The following PPP2R5E variants were observed in gnomAD, a reference collection of about 807,000 sequenced individuals.
PPP2R5E encodes protein phosphatase 2 regulatory subunit B'epsilon.
A neutral mutation model predicts 65.3 loss-of-function variants in PPP2R5E; 4 were observed. The observed-to-expected ratio is 0.06, with a 90% CI of 0.03 to 0.14. The LOEUF (loss-of-function observed/expected upper bound fraction) is 0.14. Ranked by LOEUF, PPP2R5E falls within the 10% of genes least tolerant of loss-of-function variation. PPP2R5E has a pLI of 1.00. For synonymous variants in PPP2R5E, 183 were observed against 187.4 expected (o/e 0.98, Z 0.19); for missense variants, 274 against 556.1 (o/e 0.49, Z 5.10).
rs747091560 is a variant in PPP2R5E, at chr14:63,422,020, G to T, written c.429C>A (p.Thr143=). ...GTAAGTGTGGCCACGATGCCTCAAGGGTAGGTTCATCTTCTTCTGGATCAA... is the reference window on the plus strand; with the variant it reads ...GTAAGTGTGGCCACGATGCCTCAAGTGTAGGTTCATCTTCTTCTGGATCAA... ...NEFDPEEDEP[T]LEASWPHLQL... is the part of the protein sequence containing the mutation. The change falls in exon 4 of 14, where the codon ACC becomes ACA. Residue 143 remains threonine (T), a synonymous_variant. Transcript: ENST00000337537. The T allele has an allele frequency of 6.2e-7, 1 of 1,613,166 alleles. No homozygotes were observed. The highest frequency in any genetic ancestry group is 1.7e-4 in the Middle Eastern group (1 of 6,058).
At chr14:63,490,132 T>C (rs965000860) in intron 2 of PPP2R5E, among the ~76,000 whole-genome samples, 21 of 152,082 alleles carry the variant, frequency 1.4e-4, no homozygotes, top group Non-Finnish European at 2.9e-5. Flanking sequence ...TGCTAACCAA[T>C]ATAGCAGCCA....
chr14:63,523,734 G>A, intron 2 of PPP2R5E, among the ~76,000 whole-genome samples: 1 of 143,200 alleles, frequency 7.0e-6, no homozygotes, highest in Non-Finnish European at 1.5e-5. Flanking sequence ...AAAAACAAAG[G>A]TTACACGCTA....
At chr14:63,442,028 T>C (rs934410676) in intron 3 of PPP2R5E, among the ~76,000 whole-genome samples, 2 of 152,124 alleles carry the variant, frequency 1.3e-5, no homozygotes, top group Admixed American at 1.3e-4. Flanking sequence ...TACTGTTAAA[T>C]GAGCTTTAAC....
intron 2 of PPP2R5E, among the ~76,000 whole-genome samples, chr14:63,504,060 T>C (rs1483599502): frequency 3.3e-5 from 5 of 152,184 alleles, no homozygotes; most frequent in Admixed American, 6.5e-5. Flanking sequence ...ATGAGAAGTT[T>C]TGAATCACTC....
intron 2 of PPP2R5E, among the ~76,000 whole-genome samples, chr14:63,503,816 G>A (rs1427757071): frequency 6.6e-6 from 1 of 152,142 alleles, no homozygotes; most frequent in African/African-American, 2.4e-5. Flanking sequence ...ATGGCAAGAT[G>A]TGAGGAAAAC....
intron 3 of PPP2R5E, among the ~76,000 whole-genome samples, chr14:63,431,558 T>C (rs1484634773): frequency 1.3e-5 from 2 of 149,628 alleles, no homozygotes; most frequent in Non-Finnish European, 3.0e-5. Context: ...ATAAGAACTA[T>C]CTGAAATACT....
At position 63,396,503 on chromosome 14, in the gene PPP2R5E, G is replaced by A. The variant is rs1019317317; in HGVS notation, c.680+83C>T. The A allele has an allele frequency of 2.3e-5, 35 of 1,515,212 alleles. No individual in the cohort carries two copies. In the African/African-American group the frequency reaches 2.6e-4, roughly 11 times the overall value. 93.9% of individuals were successfully genotyped at this position (1,515,212 alleles called of 1,614,324 possible). ...AGGGAGAAAGAGAAGTCAGTACACC[G>A]TTTTCAGATATTTGAGATTTACTTA... On this transcript the variant is annotated intron_variant, in intron 6 of 13. Transcript: ENST00000337537.
intron 2 of PPP2R5E, among the ~76,000 whole-genome samples, chr14:63,505,475 C>A (rs1440078576): frequency 6.6e-6 from 1 of 152,206 alleles, no homozygotes; most frequent in Non-Finnish European, 1.5e-5. Context: ...CCTGCTCACA[C>A]ACTGAACACT....
At chr14:63,516,963 A>T (rs1197762630) in intron 2 of PPP2R5E, among the ~76,000 whole-genome samples, 1 of 151,480 alleles carries the variant, frequency 6.6e-6, no homozygotes, top group African/African-American at 2.5e-5. Context: ...CTATGGATGA[A>T]CTAAATAGAT....
intron 2 of PPP2R5E, among the ~76,000 whole-genome samples, chr14:63,533,645 C>A (rs995036362): frequency 6.7e-6 from 1 of 149,704 alleles, no homozygotes; most frequent in Admixed American, 6.7e-5. Context: ...AATTGTGAGA[C>A]AAGAAATAAC....
At chr14:63,483,245 G>A (rs67442217) in intron 2 of PPP2R5E, among the ~76,000 whole-genome samples, 50,068 of 151,864 alleles carry the variant, frequency 0.33, 11,061 homozygotes, top group African/African-American at 0.63. Context: ...AACATGGGGA[G>A]GGGGGGTCAC....
intron 10 of PPP2R5E, 102 bp from the exon 11 acceptor site, chr14:63,389,833 TA>T (rs1266473731): frequency 7.8e-7 from 1 of 1,289,632 alleles, no homozygotes; most frequent in Non-Finnish European, 1.0e-6. Flanking sequence ...AAGAAAAATT[TA>T]CACATAAAAC....
Position 63,539,597 on chromosome 14 carries a change from G to A in PPP2R5E, c.89C>T (p.Ser30Leu), listed in dbSNP as rs1893805715. Residue 30 changes from serine to leucine, a missense_variant, in exon 2 of 14, where the codon TCG becomes TTG. Coordinates refer to ENST00000337537, the MANE Select transcript of PPP2R5E (RefSeq NM_006246.5). ...AGACCTAAACTGTGAGGAACTTTGCGACCTCTTCTGTCTGGCTTTTCTGAC... is the reference window on the plus strand; with the variant it reads ...AGACCTAAACTGTGAGGAACTTTGCAACCTCTTCTGTCTGGCTTTTCTGAC... The part of the protein sequence containing the change: ...KSVRKARQKR[S>L]QSSSQFRSQG... The A allele has an allele frequency of 5.6e-6, 9 of 1,614,040 alleles. No homozygotes were observed. Among genetic ancestry groups the A allele is most frequent in the Non-Finnish European group, 6.8e-6 (8 of 1,179,978 alleles).
chr14:63,516,109 A>C (rs1464925177), intron 2 of PPP2R5E, among the ~76,000 whole-genome samples: 2 of 152,106 alleles, frequency 1.3e-5, no homozygotes, highest in Non-Finnish European at 2.9e-5. Context: ...TCCGCCTCCT[A>C]AAGTGCTGGG....
intron 2 of PPP2R5E, among the ~76,000 whole-genome samples, chr14:63,523,976 C>G (rs190429958): frequency 4.0e-3 from 615 of 152,232 alleles, no homozygotes; most frequent in African/African-American, 0.014. Flanking sequence ...ACTATATTTC[C>G]TCATAAGATA....
intron 2 of PPP2R5E, among the ~76,000 whole-genome samples, chr14:63,487,824 T>A (rs943354843): frequency 6.6e-6 from 1 of 152,188 alleles, no homozygotes; most frequent in Non-Finnish European, 1.5e-5. Flanking sequence ...AATCACTTTT[T>A]CTTAATTTTC....
At chr14:63,525,221 C>T (rs968109166) in intron 2 of PPP2R5E, among the ~76,000 whole-genome samples, 5 of 152,192 alleles carry the variant, frequency 3.3e-5, no homozygotes, top group African/African-American at 1.2e-4. Context: ...CAGAAACAAC[C>T]TGACTTTCTC....
chr14:63,397,370 C>T (rs976474779), intron 5 of PPP2R5E, among the ~76,000 whole-genome samples: 1 of 151,822 alleles, frequency 6.6e-6, no homozygotes, highest in Non-Finnish European at 1.5e-5. Context: ...GGTGTGGTGG[C>T]GGGCACCTGT....
At chr14:63,384,647 C>T (rs1158686173) in intron 11 of PPP2R5E, 76 bp from the exon 12 acceptor site, 1 of 1,284,670 alleles carries the variant, frequency 7.8e-7, no homozygotes, top group East Asian at 2.4e-5. Context: ...TCTTTCCAAA[C>T]AAAAGTATTT....
Sources: gnomAD v4.1 joint callset for allele counts (sites outside exome capture counted in the v4.1 genomes callset) on GRCh38, gnomAD v4.1.1 for gene constraint, MANE v1.5 for transcripts, NCBI Gene and HGNC (gene_info 2026-07-23, HGNC 2026-07-21) for gene names.